PIAS3: variants seen among roughly 807,000 people sequenced by gnomAD.
The protein encoded by PIAS3 is protein inhibitor of activated STAT 3, also known as E3 SUMO-protein ligase PIAS3.
A neutral mutation model predicts 67.6 loss-of-function variants in PIAS3; 34 were observed. The ratio of observed to expected loss-of-function variants is 0.50; its 90% CI spans 0.38 to 0.67. The LOEUF (loss-of-function observed/expected upper bound fraction) is 0.67. Ranked by LOEUF, PIAS3 falls within the 30% of genes least tolerant of loss-of-function variation. The pLI is 0.00. For missense variants in PIAS3, 693 were observed against 791.6 expected (o/e 0.88, Z 1.49); for synonymous variants, 341 against 313.8 (o/e 1.09, Z -0.92).
In PIAS3 at chr1:145,858,962, G is replaced by T; in HGVS notation, c.24+5C>A. 1 of 1,535,994 alleles carries T rather than the reference G, an allele frequency of 6.5e-7. No individual in the cohort carries two copies. Among genetic ancestry groups the T allele is most frequent in the Non-Finnish European group, 8.8e-7 (1 of 1,142,456 alleles). On this transcript the variant is annotated splice_donor_5th_base_variant and intron_variant, in intron 1 of 13. Transcript: ENST00000393045. ...CAGATGGGGATGGGGGGAGGGGGCC[G>T]GTACCTTTAATTCGCCCAGCTCCGC...
Position 145,850,460 on chromosome 1 carries a change from G to A in PIAS3, c.1575C>T (p.Asp525=). Residue 525 remains aspartate (D), a synonymous_variant, in exon 12 of 14, where the codon GAC becomes GAT. Transcript: ENST00000393045. ...TTATGACCCATGTCATACCTTGGATGTCGGCTCCCAGTGGGAAGGCAGGTG... is the reference window on the plus strand; with the variant it reads ...TTATGACCCATGTCATACCTTGGATATCGGCTCCCAGTGGGAAGGCAGGTG... ...EYPPAFPLGA[D]IQGLDLFSFL... 6.2e-7 allele frequency: 1 copy of A among 1,614,198 alleles called. No homozygotes were observed. The highest frequency in any genetic ancestry group is 8.5e-7 in the Non-Finnish European group (1 of 1,180,030).
rs1553734203 is a variant in PIAS3, at chr1:145,850,937, G to A, written c.1282C>T (p.Leu428Phe). Residue 428 changes from leucine to phenylalanine, a missense_variant and splice_region_variant, in exon 11 of 14, where the codon CTC (leucine) becomes TTC (phenylalanine). By Grantham distance (22) the Leu-to-Phe change is conservative. Around this residue, in one of 3 missense-constraint regions of PIAS3, gnomAD observed 270 missense variants for 261.0 expected, o/e 1.03. Coordinates refer to ENST00000393045, the MANE Select transcript of PIAS3 (RefSeq NM_006099.3). ...CPPPGYGLDGLQYSPVQGGDP... is the reference protein window; with the variant it reads ...CPPPGYGLDGFQYSPVQGGDP... ...CCCCCCTGGACTGGGCTGTACTGGA[G>A]GCCTGTGGGTATTAAGAAGACTACG... 1 of 1,614,140 alleles carries A rather than the reference G, an allele frequency of 6.2e-7. No homozygotes were observed. The highest frequency in any genetic ancestry group is 1.1e-5 in the South Asian group (1 of 91,080).
At chr1:145,854,664 A>G (rs1020719337) in intron 6 of PIAS3, 82 bp downstream of exon 6, 1 of 1,602,928 alleles carries the variant, frequency 6.2e-7, no homozygotes, top group African/African-American at 1.3e-5. Context: ...AAAGAGGAAA[A>G]TGCTTCCCCA....
rs1401058859 is a variant in PIAS3, at chr1:145,850,773, T to C, written c.1446A>G (p.Lys482=). The C allele has an allele frequency of 6.2e-7, 1 of 1,613,972 alleles. No individual in the cohort carries two copies. Among genetic ancestry groups the C allele is most frequent in the African/African-American group, 1.3e-5 (1 of 74,932 alleles). Residue 482 remains lysine, a splice_region_variant and synonymous_variant, in exon 11 of 14, where the codon AAA becomes AAG. Coordinates refer to ENST00000393045, the MANE Select transcript of PIAS3 (RefSeq NM_006099.3). ...AGACTCAGCCTATTTTCTCATACCCTTTGCTTCCAGGTAGGGCCGGGATGG... is the reference window on the plus strand; with the variant it reads ...AGACTCAGCCTATTTTCTCATACCCCTTGCTTCCAGGTAGGGCCGGGATGG... ...SAAIPALPGS[K]GVLTSGHQPS...
At chr1:145,851,263 G>T (rs1652952473) in intron 9 of PIAS3, 110 bp from the exon 10 acceptor site, 1 of 1,144,934 alleles carries the variant, frequency 8.7e-7, no homozygotes, top group Non-Finnish European at 1.3e-6. Flanking sequence ...TGTAAAATAA[G>T]AACATTATCC....
At chr1:145,850,100 T>C in intron 13 of PIAS3, 132 bp downstream of exon 13, 2 of 1,526,044 alleles carry the variant, frequency 1.3e-6, no homozygotes, top group Non-Finnish European at 8.7e-7. Context: ...GATAATAAGA[T>C]ACCTACACCC....
chr1:145,853,423 A>AT, intron 9 of PIAS3, 81 bp downstream of exon 9: 2 of 1,167,880 alleles, frequency 1.7e-6, no homozygotes, highest in Non-Finnish European at 2.4e-6. Context: ...AAAAAAAAAA[A>AT]GAAAAGAAAA....
chr1:145,858,830 C>T, intron 1 of PIAS3, 137 bp downstream of exon 1: 1 of 627,654 alleles, frequency 1.6e-6, no homozygotes, highest in Non-Finnish European at 2.4e-6. Context: ...TCAGCTACTT[C>T]TCTCCCATCC....
Position 145,848,597 on chromosome 1 carries a change from T to G in PIAS3, c.*849A>C. The G allele has an allele frequency of 5.3e-6, 4 of 759,238 alleles. No individual in the cohort carries two copies. The highest frequency in any genetic ancestry group is 8.7e-6 in the Non-Finnish European group (4 of 460,968). The allele number at this position is 759,238 out of a possible 1,614,324, so 47.0% of individuals were successfully genotyped here. On this transcript the variant is annotated 3_prime_UTR_variant, in exon 14 of 14. Coordinates refer to ENST00000393045, the MANE Select transcript of PIAS3 (RefSeq NM_006099.3). ...ATAAAAAGTAAAATTACAACATAGG[T>G]CCTAGGCCTTGGCGAGCCTGAAAAA... is the stretch of plus-strand genomic sequence containing the variant.
At chr1:145,854,228 T>C (rs1653072134) in intron 7 of PIAS3, 1 of 600,276 alleles carries the variant, frequency 1.7e-6, no homozygotes, top group Non-Finnish European at 3.0e-6. Context: ...AGTTAGGGAC[T>C]GTGAGGTGCA....
Position 145,849,621 on chromosome 1 carries a change from C to A in PIAS3, c.1712G>T (p.Gly571Val). 1 of 1,613,244 alleles carries A rather than the reference C, an allele frequency of 6.2e-7. No individual in the cohort carries two copies. The highest frequency in any genetic ancestry group is 8.5e-7 in the Non-Finnish European group (1 of 1,179,642). Residue 571 changes from glycine to valine, a missense_variant, in exon 14 of 14, where the codon GGC becomes GTC. This residue lies in a region of PIAS3 where 270 missense variants were observed against 261.0 expected (regional missense o/e 1.03). Transcript: ENST00000393045. ...QYRGTPSHFL[G>V]PLAPTLGSSH... ...GCTCCCCAGCGTGGGGGCCAGTGGG[C>A]CCAGAAAGTGAGAAGGGGTCCCTCG...
intron 13 of PIAS3, 51 bp downstream of exon 13, chr1:145,850,181 T>G (rs1346155128): frequency 3.7e-6 from 6 of 1,612,986 alleles, no homozygotes; most frequent in Non-Finnish European, 5.1e-6. Flanking sequence ...CATCAGTGTC[T>G]AGAAAGGAAG....
chr1:145,852,767 T>C (rs1282411085), intron 9 of PIAS3, among the ~76,000 whole-genome samples: 1 of 152,100 alleles, frequency 6.6e-6, no homozygotes, highest in East Asian at 1.9e-4. Flanking sequence ...GGCTAATTTT[T>C]TTAATTTTTT....
At chr1:145,857,227 C>T in intron 1 of PIAS3, 2 of 575,098 alleles carry the variant, frequency 3.5e-6, no homozygotes, top group Non-Finnish European at 6.2e-6. Context: ...ACCACCACCC[C>T]CGAGCTTGAG....
At chr1:145,856,216 G>T in intron 3 of PIAS3, 98 bp from the exon 4 acceptor site, 1 of 1,280,288 alleles carries the variant, frequency 7.8e-7, no homozygotes, top group South Asian at 1.2e-5. Context: ...CCAGGAGATA[G>T]AGAAGAGACA....
intron 5 of PIAS3, 142 bp from the exon 6 acceptor site, chr1:145,855,022 C>T: frequency 1.1e-6 from 1 of 936,222 alleles, no homozygotes; most frequent in South Asian, 1.5e-5. Flanking sequence ...GGGATGGAGG[C>T]CCATTCAGTG....
intron 1 of PIAS3, among the ~76,000 whole-genome samples, chr1:145,857,955 C>G (rs587670480): frequency 6.6e-6 from 1 of 152,290 alleles, no homozygotes; most frequent in South Asian, 2.1e-4. Flanking sequence ...CTGAAGGTAG[C>G]TGGGCCCAGT....
rs1652858736 is a variant in PIAS3, at chr1:145,849,331, GGTCT to G, written c.*111_*114del. ...GAGGCCAAAAGTAGGCATCTGTGAA[GGTCT>G]GTCTGGCCCTTGGCCAGAGCCCCCA... is the stretch of plus-strand genomic sequence containing the variant. On this transcript the variant is annotated 3_prime_UTR_variant, in exon 14 of 14. Transcript: ENST00000393045. 2 of 1,105,682 alleles carry G rather than the reference GGTCT, an allele frequency of 1.8e-6. No homozygotes were observed. Among genetic ancestry groups the G allele is most frequent in the African/African-American group, 1.6e-5 (1 of 61,986 alleles). 68.5% of individuals were successfully genotyped at this position (1,105,682 alleles called of 1,614,324 possible). A position where few individuals can be genotyped will look rare whatever the true frequency, so the allele number is the denominator to read the frequency against.
Position 145,850,241 on chromosome 1 carries a change from T to C in PIAS3, c.1611A>G (p.Thr537=). Reference sequence around the variant, plus strand: ...AGAAAGAACCACTTACCTGACTCTCTGTCTGAAGAAATGAAAATAAATCTA... The same window carrying C: ...AGAAAGAACCACTTACCTGACTCTCCGTCTGAAGAAATGAAAATAAATCTA... ...QGLDLFSFLQ[T]ESQHYGPSVI... The change falls in exon 13 of 14, where the codon ACA becomes ACG. Residue 537 remains threonine, a synonymous_variant. Coordinates refer to ENST00000393045, the MANE Select transcript of PIAS3 (RefSeq NM_006099.3). The C allele has an allele frequency of 6.2e-7, 1 of 1,614,208 alleles. No homozygotes were observed. Among genetic ancestry groups the C allele is most frequent in the Non-Finnish European group, 8.5e-7 (1 of 1,180,022 alleles).
Sources: gnomAD v4.1 joint callset for allele counts (sites outside exome capture counted in the v4.1 genomes callset) on GRCh38, gnomAD v4.1.1 for gene constraint, gnomAD v4.1.1 regional missense constraint, MANE v1.5 for transcripts, NCBI Gene and HGNC (gene_info 2026-07-23, HGNC 2026-07-21) for gene names.